The following SHB variants were observed in gnomAD, a reference collection of about 807,000 sequenced individuals.
The protein encoded by SHB is SH2 domain containing adaptor protein B, also known as SH2 domain-containing adapter protein B.
SHB carries 20 observed loss-of-function variants against 52.3 expected under a neutral mutation model. The observed-to-expected ratio is 0.38, with a 90% confidence interval of 0.27 to 0.56. The LOEUF (loss-of-function observed/expected upper bound fraction) is 0.56, where lower values mean the gene tolerates loss of function less well. Among genes scored for constraint, SHB ranks in the 20% least tolerant of loss-of-function variants. SHB has a pLI of 0.71. For synonymous variants in SHB, 397 were observed against 316.5 expected, an observed-to-expected ratio of 1.25 and a Z score of -2.70; for missense variants, 825 against 723.3, an observed-to-expected ratio of 1.14 and a Z score of -1.61.
At chr9:38,002,174 T>G (rs915823711) in intron 2 of SHB, among the ~76,000 whole-genome samples, 2 of 152,038 alleles carry the variant, frequency 1.3e-5, no homozygotes, top group African/African-American at 2.4e-5. Flanking sequence ...GTTCTGAGGA[T>G]GAAATGAGAT....
At chr9:37,946,868 A>C (rs779570226) in intron 5 of SHB, among the ~76,000 whole-genome samples, 2 of 152,190 alleles carry the variant, frequency 1.3e-5, no homozygotes, top group Non-Finnish European at 2.9e-5. Flanking sequence ...GGGTCCCTGG[A>C]GCACTGAGGA....
intron 2 of SHB, among the ~76,000 whole-genome samples, chr9:37,982,980 C>CG (rs1554702683): frequency 6.7e-6 from 1 of 150,008 alleles, no homozygotes; most frequent in Non-Finnish European, 1.5e-5. Flanking sequence ...GGTGCCCCCC[C>CG]CTCCATCTTT....
intron 1 of SHB, among the ~76,000 whole-genome samples, chr9:38,035,092 G>A (rs1049444362): frequency 2.6e-5 from 4 of 152,072 alleles, no homozygotes; most frequent in East Asian, 1.9e-4. Flanking sequence ...GGACCGAGGG[G>A]TATCTACTAG....
intron 4 of SHB, among the ~76,000 whole-genome samples, chr9:37,953,459 G>C (rs538621973): frequency 1.6e-4 from 24 of 152,042 alleles, no homozygotes; most frequent in African/African-American, 5.8e-4. Flanking sequence ...GTTTGTTACT[G>C]GGACACGTTC....
chr9:37,952,286 T>G (rs1033263882), intron 4 of SHB, among the ~76,000 whole-genome samples: 1 of 152,018 alleles, frequency 6.6e-6, no homozygotes, highest in Non-Finnish European at 1.5e-5. Flanking sequence ...CCTGAGGAGA[T>G]GACATGTGGC....
At chr9:38,056,103 T>C (rs552651272) in intron 1 of SHB, among the ~76,000 whole-genome samples, 3 of 152,340 alleles carry the variant, frequency 2.0e-5, no homozygotes, top group African/African-American at 7.2e-5. Flanking sequence ...TAATCACTGA[T>C]GAGACCTAAA....
rs527830500 is a variant in SHB, at chr9:37,946,130, G to C, written c.1346+2505C>G. Among the ~76,000 whole-genome samples, 6 of 152,322 alleles carry C rather than the reference G, an allele frequency of 3.9e-5. No homozygotes were observed. The South Asian group carries it at 1.0e-3, about 26-fold the overall frequency. ...CGCAGTGCACAGATGAGGACACTGA[G>C]GCCCCTATGGCGTGACTGGCCAAGG... On this transcript the variant is annotated intron_variant, in intron 5 of 5. Coordinates refer to ENST00000377707, the MANE Select transcript of SHB (RefSeq NM_003028.3).
chr9:37,955,246 T>C (rs1832615309), intron 4 of SHB, among the ~76,000 whole-genome samples: 1 of 152,238 alleles, frequency 6.6e-6, no homozygotes. Context: ...GAGTGCACCC[T>C]GTAGACTCTT....
At chr9:37,975,404 C>T (rs972490141) in intron 2 of SHB, among the ~76,000 whole-genome samples, 2 of 152,202 alleles carry the variant, frequency 1.3e-5, no homozygotes, top group African/African-American at 2.4e-5. Context: ...ATTTCTACCT[C>T]CCCCAGACCA....
chr9:38,064,237 G>C (rs1821932877), intron 1 of SHB, among the ~76,000 whole-genome samples: 1 of 151,996 alleles, frequency 6.6e-6, no homozygotes, highest in African/African-American at 2.4e-5. Flanking sequence ...ATTTTCCCCA[G>C]ATTTTGGCAG....
chr9:38,035,761 C>T (rs67076718), intron 1 of SHB, among the ~76,000 whole-genome samples: 12,088 of 152,170 alleles, frequency 0.079, 545 homozygotes, highest in South Asian at 0.11. Flanking sequence ...TACAGTACTC[C>T]TGGTTTAGTC....
At chr9:37,981,162 A>G (rs1362276076) in intron 2 of SHB, among the ~76,000 whole-genome samples, 1 of 152,240 alleles carries the variant, frequency 6.6e-6, no homozygotes, top group East Asian at 1.9e-4. Context: ...TATGGCTCTG[A>G]AAGTCCTAGA....
intron 5 of SHB, among the ~76,000 whole-genome samples, chr9:37,942,287 C>A (rs1414436666): frequency 6.6e-6 from 1 of 152,202 alleles, no homozygotes; most frequent in Non-Finnish European, 1.5e-5. Context: ...GGACAGGAGG[C>A]AAGTTCTTGA....
At chr9:38,046,584 C>G (rs1821654458) in intron 1 of SHB, among the ~76,000 whole-genome samples, 1 of 152,204 alleles carries the variant, frequency 6.6e-6, no homozygotes, top group Admixed American at 6.5e-5. Context: ...CTAGAAACTG[C>G]CCACGGCTTT....
At chr9:37,953,962 A>G (rs1381510714) in intron 4 of SHB, among the ~76,000 whole-genome samples, 1 of 152,180 alleles carries the variant, frequency 6.6e-6, no homozygotes, top group Non-Finnish European at 1.5e-5. Context: ...GGAATGGGAA[A>G]GGAAAGAGAG....
intron 4 of SHB, among the ~76,000 whole-genome samples, chr9:37,950,883 C>T (rs1410647308): frequency 2.0e-5 from 3 of 152,214 alleles, no homozygotes; most frequent in Non-Finnish European, 4.4e-5. Context: ...GGTTGCAGGC[C>T]GCTGCCCATC....
chr9:37,955,836 C>G, intron 4 of SHB, 47 bp downstream of exon 4: 1 of 1,575,004 alleles, frequency 6.3e-7, no homozygotes, highest in Non-Finnish European at 8.7e-7. Flanking sequence ...AGGGCAAAAA[C>G]TAGGTGAACT....
At chr9:37,997,877 A>G (rs186252386) in intron 2 of SHB, among the ~76,000 whole-genome samples, 2 of 152,330 alleles carry the variant, frequency 1.3e-5, no homozygotes, top group Non-Finnish European at 2.9e-5. Context: ...CAGAAAGGAC[A>G]ACAAGGCCCT....
intron 5 of SHB, among the ~76,000 whole-genome samples, chr9:37,936,177 T>C (rs1034886735): frequency 2.0e-5 from 3 of 152,026 alleles, no homozygotes; most frequent in African/African-American, 7.2e-5. Flanking sequence ...GATAGCGCCA[T>C]TGCACTCCAG....
Sources: allele counts gnomAD v4.1 joint callset (sites outside exome capture counted in the v4.1 genomes callset), GRCh38; gene constraint gnomAD v4.1.1; transcripts MANE v1.5; gene names NCBI Gene and HGNC (gene_info 2026-07-23, HGNC 2026-07-21).